The following CHSY3 variants were observed in gnomAD, a reference collection of about 807,000 sequenced individuals.
The protein encoded by CHSY3 is N-acetylgalactosaminyl-proteoglycan 3-beta-glucuronosyltransferase 3.
A neutral mutation model predicts 67.2 loss-of-function variants in CHSY3; 35 were observed. The ratio of observed to expected loss-of-function variants is 0.52; its 90% CI spans 0.40 to 0.69. The LOEUF (loss-of-function observed/expected upper bound fraction) is 0.69, where lower values mean the gene tolerates loss of function less well. Ranked by LOEUF, CHSY3 falls within the 30% of genes least tolerant of loss-of-function variation. The pLI, the probability that CHSY3 is intolerant of heterozygous loss-of-function variation, is 0.00. For missense variants in CHSY3, 1,069 were observed against 1,138.5 expected (o/e 0.94, Z 0.88); for synonymous variants, 474 against 434.7 (o/e 1.09, Z -1.12).
chr5:130,093,002 T>C (rs1766929410), intron 2 of CHSY3, among the ~76,000 whole-genome samples: 1 of 152,192 alleles, frequency 6.6e-6, no homozygotes, highest in Admixed American at 6.5e-5. Flanking sequence ...GGCCTCATGG[T>C]TGGTTTCCTT....
At chr5:130,066,545 C>A (rs922179674) in intron 2 of CHSY3, among the ~76,000 whole-genome samples, 7 of 152,066 alleles carry the variant, frequency 4.6e-5, no homozygotes, top group Non-Finnish European at 1.0e-4. Context: ...CTTGAATACT[C>A]CAAGAGGATT....
At chr5:130,178,177 A>G (rs1339927559) in intron 2 of CHSY3, among the ~76,000 whole-genome samples, 6 of 123,600 alleles carry the variant, frequency 4.9e-5, no homozygotes, top group African/African-American at 2.0e-4. Context: ...ATGTATATAT[A>G]TGTGTGTGTG....
intron 2 of CHSY3, among the ~76,000 whole-genome samples, chr5:130,035,059 C>T (rs1236222430): frequency 2.6e-5 from 4 of 152,050 alleles, no homozygotes; most frequent in African/African-American, 4.8e-5. Flanking sequence ...GATGTCTGTG[C>T]TGGTGAGATG....
At chr5:129,959,099 AT>A (rs1762258843) in intron 2 of CHSY3, among the ~76,000 whole-genome samples, 2 of 152,020 alleles carry the variant, frequency 1.3e-5, no homozygotes, top group African/African-American at 4.8e-5. Context: ...GCATATTCAT[AT>A]ATTTATTTTT....
intron 2 of CHSY3, among the ~76,000 whole-genome samples, chr5:130,002,712 A>C (rs1158454563): frequency 6.6e-6 from 1 of 152,222 alleles, no homozygotes. Flanking sequence ...TTGTTCCACT[A>C]TAGTAAACAT....
At chr5:130,088,966 C>T (rs928194611) in intron 2 of CHSY3, among the ~76,000 whole-genome samples, 1 of 151,840 alleles carries the variant, frequency 6.6e-6, no homozygotes, top group African/African-American at 2.4e-5. Flanking sequence ...AGACTTGGAA[C>T]CAAGCCAAAT....
chr5:130,136,884 T>A lies in CHSY3; in HGVS notation c.1087-47345T>A, dbSNP rs151193174. 3.5e-3 allele frequency among the ~76,000 whole-genome samples: 534 copies of A among 152,262 alleles called. 6 individuals are homozygous for A. The highest frequency in any genetic ancestry group is 0.012 in the African/African-American group (501 of 41,568). On this transcript the variant is annotated intron_variant, in intron 2 of 2. Transcript: ENST00000305031. Reference sequence around the variant, plus strand: ...CAAGAACCAGATCATCACCAATAAGTGAGTCTGTTTACTTCTTCCCTATTT... The same window carrying A: ...CAAGAACCAGATCATCACCAATAAGAGAGTCTGTTTACTTCTTCCCTATTT...
At chr5:129,991,881 G>A (rs778068798) in intron 2 of CHSY3, among the ~76,000 whole-genome samples, 4 of 152,204 alleles carry the variant, frequency 2.6e-5, no homozygotes, top group Middle Eastern at 3.4e-3. Context: ...AGATTTCAGG[G>A]AACATGAAGT....
chr5:130,041,970 G>A (rs1466828296), intron 2 of CHSY3, among the ~76,000 whole-genome samples: 1 of 152,086 alleles, frequency 6.6e-6, no homozygotes, highest in Non-Finnish European at 1.5e-5. Context: ...CTGGTACAGT[G>A]GCTCACACCT....
At chr5:130,155,039 C>T (rs1580786198) in intron 2 of CHSY3, among the ~76,000 whole-genome samples, 1 of 152,190 alleles carries the variant, frequency 6.6e-6, no homozygotes, top group South Asian at 2.1e-4. Context: ...AGGTTTGAAT[C>T]TTCAGTAGGA....
chr5:129,997,854 G>C (rs1418542453), intron 2 of CHSY3, among the ~76,000 whole-genome samples: 1 of 152,042 alleles, frequency 6.6e-6, no homozygotes, highest in South Asian at 2.1e-4. Flanking sequence ...TTTTCTTATG[G>C]CTGCATAGTA....
chr5:129,993,339 A>T (rs1189393467), intron 2 of CHSY3, among the ~76,000 whole-genome samples: 2 of 152,000 alleles, frequency 1.3e-5, no homozygotes, highest in African/African-American at 4.8e-5. Flanking sequence ...ATTGTGTGGG[A>T]GTCTAAGTCT....
At chr5:130,178,342 G>A (rs1484020653) in intron 2 of CHSY3, among the ~76,000 whole-genome samples, 15 of 143,598 alleles carry the variant, frequency 1.0e-4, no homozygotes, top group African/African-American at 2.9e-4. Context: ...TGCAAGCTCC[G>A]CCTCTCGGGT....
intron 2 of CHSY3, among the ~76,000 whole-genome samples, chr5:130,173,541 G>A (rs867839050): frequency 1.6e-4 from 25 of 152,172 alleles, no homozygotes; most frequent in Admixed American, 6.5e-4. Flanking sequence ...ATTTTATCAC[G>A]TTGTATAGTG....
chr5:129,941,360 A>T (rs1761693227), intron 2 of CHSY3, among the ~76,000 whole-genome samples: 1 of 152,164 alleles, frequency 6.6e-6, no homozygotes, highest in Admixed American at 6.5e-5. Flanking sequence ...TCAATATCAA[A>T]ATCATAGACT....
intron 2 of CHSY3, among the ~76,000 whole-genome samples, chr5:129,991,321 G>A (rs1763359229): frequency 6.6e-6 from 1 of 152,014 alleles, no homozygotes; most frequent in East Asian, 1.9e-4. Context: ...AAAAATTTAG[G>A]AGCTAAAATT....
intron 2 of CHSY3, among the ~76,000 whole-genome samples, chr5:130,147,519 T>C (rs1218645040): frequency 6.6e-6 from 1 of 152,198 alleles, no homozygotes; most frequent in Admixed American, 6.5e-5. Flanking sequence ...CCAACTTCTA[T>C]AACATCAAGC....
chr5:129,965,604 C>G (rs1050501813), intron 2 of CHSY3, among the ~76,000 whole-genome samples: 2 of 151,804 alleles, frequency 1.3e-5, no homozygotes, highest in African/African-American at 4.8e-5. Flanking sequence ...AGGTTTTCAT[C>G]GTACCTTTTG....
chr5:129,949,385 A>G (rs939191664), intron 2 of CHSY3, among the ~76,000 whole-genome samples: 10 of 152,178 alleles, frequency 6.6e-5, no homozygotes, highest in Non-Finnish European at 1.2e-4. Context: ...ACAACTTACA[A>G]TGACCAAATC....
Sources: allele counts gnomAD v4.1 joint callset (sites outside exome capture counted in the v4.1 genomes callset), GRCh38; gene constraint gnomAD v4.1.1; transcripts MANE v1.5; gene names NCBI Gene and HGNC (gene_info 2026-07-23, HGNC 2026-07-21).